The following NSG1 variants were observed in gnomAD, a reference collection of about 807,000 sequenced individuals.
NSG1 encodes neuronal vesicle trafficking associated 1.
NSG1 carries 9 observed loss-of-function variants against 19.3 expected under a neutral mutation model. The ratio of observed to expected loss-of-function variants is 0.47; its 90% CI spans 0.28 to 0.81. The LOEUF is 0.81. Ranked by LOEUF, NSG1 falls within the 40% of genes least tolerant of loss-of-function variation. The pLI is 0.11. For missense variants in NSG1, 236 were observed against 242.4 expected (o/e 0.97, Z 0.18); for synonymous variants, 104 against 107.0 (o/e 0.97, Z 0.17).
chr4:4,412,187 C>T (rs529844732), intron 4 of NSG1, among the ~76,000 whole-genome samples: 55 of 152,302 alleles, frequency 3.6e-4, no homozygotes, highest in African/African-American at 1.3e-3. Context: ...GGCTGTAAAA[C>T]GCACTTGCTG....
rs750335265 is a variant in NSG1, at chr4:4,418,237, A to G, written c.*802A>G. On this transcript the variant is annotated 3_prime_UTR_variant, in exon 5 of 5. Transcript: ENST00000621129. ...GTCTGCTCTGTGATGTGCTGATAGG[A>G]AAGAGCCCCCACTGGCCCTCTGGTT... 3.9e-5 allele frequency: 6 copies of G among 152,190 alleles called. No homozygotes were observed. The highest frequency in any genetic ancestry group is 7.3e-5 in the Non-Finnish European group (5 of 68,052). The allele number at this position is 152,190 out of a possible 1,614,324, so 9.4% of individuals were successfully genotyped here. A position where few individuals can be genotyped will look rare whatever the true frequency, so the allele number is the denominator to read the frequency against.
At chr4:4,408,344 T>C (rs560622280) in intron 3 of NSG1, among the ~76,000 whole-genome samples, 12 of 152,312 alleles carry the variant, frequency 7.9e-5, no homozygotes, top group Admixed American at 6.5e-4. Context: ...TTCATACGAT[T>C]ACGGAGGCCC....
At chr4:4,403,817 C>T (rs1341633894) in intron 3 of NSG1, among the ~76,000 whole-genome samples, 1 of 152,194 alleles carries the variant, frequency 6.6e-6, no homozygotes, top group Non-Finnish European at 1.5e-5. Context: ...GACCAGAGTG[C>T]AGAAGGCGGC....
At chr4:4,404,311 C>T (rs1723733500) in intron 3 of NSG1, among the ~76,000 whole-genome samples, 1 of 152,188 alleles carries the variant, frequency 6.6e-6, no homozygotes, top group African/African-American at 2.4e-5. Flanking sequence ...GTGGGGCTCC[C>T]ATAGGGTAAC....
chr4:4,404,600 T>C (rs1723753190), intron 3 of NSG1, among the ~76,000 whole-genome samples: 1 of 152,170 alleles, frequency 6.6e-6, no homozygotes, highest in Non-Finnish European at 1.5e-5. Flanking sequence ...CCAAGATGCT[T>C]CCGATCATGG....
intron 3 of NSG1, among the ~76,000 whole-genome samples, chr4:4,407,617 C>A (rs1346107502): frequency 6.6e-6 from 1 of 152,082 alleles, no homozygotes; most frequent in Non-Finnish European, 1.5e-5. Context: ...GGCCAGGGCT[C>A]CCTGCAGTCA....
At chr4:4,406,294 T>C (rs557221587) in intron 3 of NSG1, among the ~76,000 whole-genome samples, 1 of 152,318 alleles carries the variant, frequency 6.6e-6, no homozygotes, top group Admixed American at 6.5e-5. Flanking sequence ...CCCAAAGTGT[T>C]GGGATTACAG....
At chr4:4,416,200 C>A (rs1051035323) in intron 4 of NSG1, 1 of 702,264 alleles carries the variant, frequency 1.4e-6, no homozygotes, top group African/African-American at 1.7e-5. Context: ...CACGTGAACT[C>A]AGCTGGTACG....
chr4:4,392,284 T>C (rs1723034811), intron 3 of NSG1, among the ~76,000 whole-genome samples: 1 of 151,658 alleles, frequency 6.6e-6, no homozygotes, highest in Admixed American at 6.6e-5. Flanking sequence ...GAAGAACAAG[T>C]TGGGATATTG....
chr4:4,414,958 A>C (rs761010122), intron 4 of NSG1, among the ~76,000 whole-genome samples: 39 of 150,510 alleles, frequency 2.6e-4, no homozygotes, highest in Non-Finnish European at 5.3e-4. Context: ...CTTTAAAAAA[A>C]AACAACAACA....
At chr4:4,413,938 G>A (rs1344163178) in intron 4 of NSG1, among the ~76,000 whole-genome samples, 1 of 152,124 alleles carries the variant, frequency 6.6e-6, no homozygotes, top group East Asian at 1.9e-4. Context: ...AGTTACTGAG[G>A]GAGGCCGATG....
intron 3 of NSG1, among the ~76,000 whole-genome samples, chr4:4,399,769 G>A (rs1363116418): frequency 6.6e-6 from 1 of 152,204 alleles, no homozygotes; most frequent in Non-Finnish European, 1.5e-5. Context: ...GCAGGGGATG[G>A]TTTTGGGATG....
chr4:4,393,922 G>C (rs924374518), intron 3 of NSG1, among the ~76,000 whole-genome samples: 1 of 152,196 alleles, frequency 6.6e-6, no homozygotes, highest in Non-Finnish European at 1.5e-5. Context: ...ACTCTCATTT[G>C]CAACAGACCT....
At chr4:4,403,883 T>G (rs931585372) in intron 3 of NSG1, among the ~76,000 whole-genome samples, 2 of 152,220 alleles carry the variant, frequency 1.3e-5, no homozygotes, top group Non-Finnish European at 2.9e-5. Flanking sequence ...GTATAAAGTC[T>G]GGTGGGGGGT....
At chr4:4,407,318 G>A (rs1226751867) in intron 3 of NSG1, among the ~76,000 whole-genome samples, 1 of 152,132 alleles carries the variant, frequency 6.6e-6, no homozygotes, top group Non-Finnish European at 1.5e-5. Flanking sequence ...GGGGCCTGAG[G>A]GGTCCCTCCC....
chr4:4,390,112 C>G (rs947372768), intron 2 of NSG1, among the ~76,000 whole-genome samples: 3 of 152,164 alleles, frequency 2.0e-5, no homozygotes, highest in African/African-American at 7.2e-5. Context: ...GCCTTATTTC[C>G]CATTCATTGG....
chr4:4,403,948 C>A (rs1487520940), intron 3 of NSG1, among the ~76,000 whole-genome samples: 4 of 152,174 alleles, frequency 2.6e-5, no homozygotes, highest in Admixed American at 1.3e-4. Context: ...TTGTTTATCC[C>A]CTTGCTTCCA....
intron 4 of NSG1, among the ~76,000 whole-genome samples, chr4:4,414,436 C>T (rs1019030275): frequency 1.3e-5 from 2 of 151,744 alleles, no homozygotes; most frequent in Non-Finnish European, 2.9e-5. Context: ...AGGGGGTGTC[C>T]TTTCCGGAGA....
rs1440334883 is a variant in NSG1, at chr4:4,405,304, G to A, written c.247-4269G>A. Among the ~76,000 whole-genome samples the A allele has an allele frequency of 2.6e-5, 4 of 152,168 alleles. No homozygotes were observed. In the East Asian group the frequency reaches 7.7e-4, roughly 29 times the overall value. On this transcript the variant is annotated intron_variant, in intron 3 of 4. Coordinates refer to ENST00000621129, the MANE Select transcript of NSG1 (RefSeq NM_014392.5). ...CCTCTTTATAAGGACACACCAGTTT[G>A]GTTGGATTAGGGCCCACCCTGATGG...
Sources: gnomAD v4.1 joint callset for allele counts (sites outside exome capture counted in the v4.1 genomes callset) on GRCh38, gnomAD v4.1.1 for gene constraint, MANE v1.5 for transcripts, NCBI Gene and HGNC (gene_info 2026-07-23, HGNC 2026-07-21) for gene names.